Variants in SLC22A14 observed in about 807,000 individuals in gnomAD.
The protein encoded by SLC22A14 is organic cation transporter-like 4.
Under a neutral mutation model 53.9 loss-of-function variants are expected in SLC22A14, and 50 were observed. The ratio of observed to expected loss-of-function variants is 0.93; its 90% CI spans 0.74 to 1.17. The LOEUF is 1.17. Among genes scored for constraint, SLC22A14 ranks in the 50% most tolerant of loss-of-function variants. The probability of loss-of-function intolerance (pLI) is 0.00; values close to 1 mark genes in which losing one functional copy is unlikely to be tolerated. For synonymous variants in SLC22A14, 312 were observed against 303.0 expected (o/e 1.03, Z -0.31); for missense variants, 671 against 734.7 (o/e 0.91, Z 1.00).
rs1279677453 is a variant in SLC22A14 at position 38,306,398 on chromosome 3, C to T, written c.372C>T (p.Pro124=). ...EQLNLTIPQA[P]NGSFLTCFMY... ...TGAATCTGACCATACCCCAAGCACC[C>T]AATGGCAGTTTCCTGACATGCTTCA... is the stretch of plus-strand genomic sequence containing the variant. Residue 124 remains proline (P), a synonymous_variant, in exon 2 of 11, where the codon CCC becomes CCT. Coordinates refer to ENST00000448498, the MANE Select transcript of SLC22A14 (RefSeq NM_001320033.2). 26 of 1,614,120 alleles carry T rather than the reference C, an allele frequency of 1.6e-5. No individual in the cohort carries two copies. The highest frequency in any genetic ancestry group is 1.9e-5 in the Non-Finnish European group (23 of 1,180,060).
At chr3:38,302,175 A>T (rs1704174692) in intron 1 of SLC22A14, among the ~76,000 whole-genome samples, 1 of 149,850 alleles carries the variant, frequency 6.7e-6, no homozygotes, top group East Asian at 1.9e-4. Context: ...CGGAGGTTGC[A>T]GTGAGCTGAG....
chr3:38,316,392 G>C lies in SLC22A14; in HGVS notation c.1601G>C (p.Ser534Thr), dbSNP rs770614893. The C allele has an allele frequency of 6.2e-7, 1 of 1,614,166 alleles. No individual in the cohort carries two copies. Among genetic ancestry groups the C allele is most frequent in the South Asian group, 1.1e-5 (1 of 91,078 alleles). Residue 534 changes from serine (S) to threonine (T), a missense_variant, in exon 10 of 11, where the codon AGC becomes ACC. Ser to Thr is a moderately conservative substitution (Grantham distance 58, BLOSUM62 1). Coordinates refer to ENST00000448498, the MANE Select transcript of SLC22A14 (RefSeq NM_001320033.2). ...AGAILSLTII[S>T]QTPSLLPIFL... The stretch of plus-strand genomic sequence containing the variant: ...GCCATCTTGTCCCTGACAATCATCA[G>C]CCAGACCCCCTCCCTCCTGCCCATC...
intron 1 of SLC22A14, among the ~76,000 whole-genome samples, chr3:38,282,962 G>A (rs1297054924): frequency 6.6e-6 from 1 of 152,162 alleles, no homozygotes; most frequent in African/African-American, 2.4e-5. Flanking sequence ...TGGTTTTGGA[G>A]GTCAGAAGAA....
chr3:38,302,103 G>A (rs1162680913), intron 1 of SLC22A14, among the ~76,000 whole-genome samples: 1 of 150,446 alleles, frequency 6.6e-6, no homozygotes, highest in Non-Finnish European at 1.5e-5. Context: ...GCGTGGTGGT[G>A]CATGCCTGTA....
In SLC22A14 at chr3:38,307,768, G is replaced by A. The variant is rs201212757; in HGVS notation, c.775+48G>A. The A allele has an allele frequency of 4.5e-4, 713 of 1,593,872 alleles. 2 individuals are homozygous for A. In the African/African-American group the frequency reaches 8.4e-3, roughly 19 times the overall value. ...CAGGGCAGGGTGGCACAGGGGCATG[G>A]CGGCATAGGCGGGTGACAAGGGGAC... On this transcript the variant is annotated intron_variant, in intron 4 of 10. Coordinates refer to ENST00000448498, the MANE Select transcript of SLC22A14 (RefSeq NM_001320033.2). The surrounding 1 kb of genome is among the most constrained non-coding windows in gnomAD (Gnocchi z 4.4).
Position 38,306,461 on chromosome 3 carries a change from C to G in SLC22A14, c.435C>G (p.Ile145Met). 3.1e-6 allele frequency: 5 copies of G among 1,614,178 alleles called. No homozygotes were observed. The highest frequency in any genetic ancestry group is 3.4e-6 in the Non-Finnish European group (4 of 1,180,010). Residue 145 changes from isoleucine to methionine, a missense_variant, in exon 2 of 11, where the codon ATC becomes ATG. Transcript: ENST00000448498. ...TGCCTTGGAATCTGGATTCTATCAT[C>G]CAGTTTGGCCTCAATGACACAGACA... ...LPVPWNLDSI[I>M]QFGLNDTDTC...
rs148138234 is a variant in SLC22A14, at chr3:38,287,792, A to C, written c.-1+5453A>C. On this transcript the variant is annotated intron_variant, in intron 1 of 10. Coordinates refer to ENST00000448498, the MANE Select transcript of SLC22A14 (RefSeq NM_001320033.2). ...GACTAGAGTTGTGTTGAATCTACAG[A>C]TCAATATGGAGAACTGACAACTTTT... Among the ~76,000 whole-genome samples, 1,069 of 152,348 alleles carry C rather than the reference A, an allele frequency of 7.0e-3. 17 individuals are homozygous for C. The highest frequency in any genetic ancestry group is 0.023 in the African/African-American group (963 of 41,580).
At chr3:38,317,419 G>A (rs1301426008) in intron 10 of SLC22A14, among the ~76,000 whole-genome samples, 1 of 152,248 alleles carries the variant, frequency 6.6e-6, no homozygotes, top group Non-Finnish European at 1.5e-5. Context: ...GACTCTGACA[G>A]TGGGATATAC....
Position 38,307,833 on chromosome 3 carries a change from G to T in SLC22A14, c.775+113G>T. 1 of 1,183,466 alleles carries T rather than the reference G, an allele frequency of 8.4e-7. No homozygotes were observed. The allele number at this position is 1,183,466 out of a possible 1,614,324, so 73.3% of individuals were successfully genotyped here. Reference sequence around the variant, plus strand: ...CGTGGCGGCATAGGCAGATGGCAAGGGGGCGTGGTGTAGCTGTAAGAGGGC... The same window carrying T: ...CGTGGCGGCATAGGCAGATGGCAAGTGGGCGTGGTGTAGCTGTAAGAGGGC... On this transcript the variant is annotated intron_variant, in intron 4 of 10. Coordinates refer to ENST00000448498, the MANE Select transcript of SLC22A14 (RefSeq NM_001320033.2). The surrounding 1 kb of genome is among the most constrained non-coding windows in gnomAD (Gnocchi z 4.4).
chr3:38,311,221 C>A (rs1253172976), intron 5 of SLC22A14, among the ~76,000 whole-genome samples: 2 of 152,180 alleles, frequency 1.3e-5, no homozygotes, highest in African/African-American at 4.8e-5. Context: ...GCAGTGAGCA[C>A]CAATGTACTA....
Position 38,309,070 on chromosome 3 carries a change from C to T in SLC22A14, c.892C>T (p.Leu298=). ...CGCCTACAGTCTTCCCCACTGGCAG[C>T]TGCTGTTTCTGGTGGGTGGGATACT... ...GIAYSLPHWQ[L]LFLVGGILVI... Residue 298 remains leucine, a synonymous_variant, in exon 5 of 11, where the codon CTG becomes TTG. Coordinates refer to ENST00000448498, the MANE Select transcript of SLC22A14 (RefSeq NM_001320033.2). The T allele has an allele frequency of 6.2e-7, 1 of 1,614,124 alleles. No individual in the cohort carries two copies. Among genetic ancestry groups the T allele is most frequent in the East Asian group, 2.2e-5 (1 of 44,880 alleles).
intron 1 of SLC22A14, among the ~76,000 whole-genome samples, chr3:38,286,406 T>TTTTTC (rs1430599441): frequency 6.6e-6 from 1 of 151,680 alleles, no homozygotes; most frequent in Admixed American, 6.6e-5. Context: ...CTTTGGCCCA[T>TTTTTC]TTTTCTTTTC....
chr3:38,316,507 C>G lies in SLC22A14; in HGVS notation c.1716C>G (p.Asn572Lys), dbSNP rs1341532660. 6 of 1,614,126 alleles carry G rather than the reference C, an allele frequency of 3.7e-6. No individual in the cohort carries two copies. Among genetic ancestry groups the G allele is most frequent in the Admixed American group, 3.3e-5 (2 of 60,030 alleles). ...ATCAGCCCCTCTCCGAGAGCCTGAA[C>G]CACTCCTCACAGATAAGGTAGGTGT... ...TRDQPLSESL[N>K]HSSQIRNKVK... The change falls in exon 10 of 11, where the codon AAC becomes AAG. Residue 572 changes from asparagine (N) to lysine (K), a missense_variant. Coordinates refer to ENST00000448498, the MANE Select transcript of SLC22A14 (RefSeq NM_001320033.2).
chr3:38,298,898 G>A (rs1449461260), intron 1 of SLC22A14, among the ~76,000 whole-genome samples: 1 of 152,126 alleles, frequency 6.6e-6, no homozygotes, highest in Non-Finnish European at 1.5e-5. Context: ...CAAAAACCTA[G>A]CTCTTATTAT....
At chr3:38,290,902 A>T (rs1474004123) in intron 1 of SLC22A14, among the ~76,000 whole-genome samples, 1 of 151,878 alleles carries the variant, frequency 6.6e-6, no homozygotes, top group East Asian at 1.9e-4. Context: ...CTTTCTGATG[A>T]CCCTGGCAGT....
At position 38,308,940 on chromosome 3, in the gene SLC22A14, T is replaced by G; in HGVS notation, c.776-14T>G. 10 of 1,612,764 alleles carry G rather than the reference T, an allele frequency of 6.2e-6. No homozygotes were observed. The highest frequency in any genetic ancestry group is 7.6e-6 in the Non-Finnish European group (9 of 1,179,098). On this transcript the variant is annotated splice_polypyrimidine_tract_variant and intron_variant, in intron 4 of 10. Transcript: ENST00000448498. ...TGACGTAACCATGGTTTTGTCCTCT[T>G]GGCCTCTGCACAGCCACTGAGTGGT...
intron 8 of SLC22A14, 123 bp from the exon 9 acceptor site, chr3:38,315,435 A>T (rs1704592756): frequency 5.9e-6 from 6 of 1,024,238 alleles, no homozygotes; most frequent in East Asian, 2.6e-5. Context: ...ACAACCTGCC[A>T]CTCCTCTGAC....
intron 1 of SLC22A14, among the ~76,000 whole-genome samples, chr3:38,302,524 G>T (rs1462743148): frequency 6.6e-6 from 1 of 151,734 alleles, no homozygotes; most frequent in Non-Finnish European, 1.5e-5. Context: ...AGGTGTGGTG[G>T]GTGCACCTGT....
At position 38,315,576 on chromosome 3, in the gene SLC22A14, T is replaced by C. The variant is rs34256819; in HGVS notation, c.1397T>C (p.Leu466Pro). 5,135 of 1,613,958 alleles carry C rather than the reference T, an allele frequency of 3.2e-3. 20 individuals carry two copies. Among genetic ancestry groups the C allele is most frequent in the Non-Finnish European group, 3.5e-3 (4,112 of 1,179,966 alleles). ...FLPEGEDGLR[L>P]KWPRCPATEL... ...ACCCCAGGGGAGGATGGCCTCAGAC[T>C]CAAGTGGCCACGTTGTCCGGCCACA... The change falls in exon 9 of 11, where the codon CTC (leucine) becomes CCC (proline). Residue 466 changes from leucine to proline, a missense_variant. By Grantham distance (98) the Leu-to-Pro change is moderately conservative. Coordinates refer to ENST00000448498, the MANE Select transcript of SLC22A14 (RefSeq NM_001320033.2).
Sources: gnomAD v4.1 joint callset for allele counts (sites outside exome capture counted in the v4.1 genomes callset) on GRCh38, gnomAD v4.1.1 for gene constraint, Gnocchi (gnomAD v3.1) non-coding constraint, MANE v1.5 for transcripts, NCBI Gene and HGNC (gene_info 2026-07-23, HGNC 2026-07-21) for gene names.